EP300: variants seen among roughly 807,000 people sequenced by gnomAD.
The protein encoded by EP300 is histone acetyltransferase p300.
Under a neutral mutation model 264.0 loss-of-function variants are expected in EP300, and 31 were observed. The observed-to-expected ratio is 0.12, with a 90% CI of 0.09 to 0.16. EP300 has a LOEUF of 0.16. Among genes scored for constraint, EP300 ranks in the 10% least tolerant of loss-of-function variants. The pLI, the probability that EP300 is intolerant of heterozygous loss-of-function variation, is 1.00. For missense variants in EP300, 2,766 were observed against 3,052.9 expected, an observed-to-expected ratio of 0.91 and a Z score of 2.21; for synonymous variants, 1,340 against 1,045.4, an observed-to-expected ratio of 1.28 and a Z score of -5.44.
At chr22:41,111,597 C>T (rs900179513) in intron 1 of EP300, among the ~76,000 whole-genome samples, 2 of 151,974 alleles carry the variant, frequency 1.3e-5, no homozygotes, top group Non-Finnish European at 2.9e-5. Context: ...GGGTAGAGTG[C>T]AATGGCACTA....
At chr22:41,118,424 G>A (rs898640221) in intron 2 of EP300, among the ~76,000 whole-genome samples, 5 of 152,096 alleles carry the variant, frequency 3.3e-5, no homozygotes, top group Admixed American at 3.3e-4. Context: ...CATAAATAAG[G>A]CATAATCACA....
intron 1 of EP300, among the ~76,000 whole-genome samples, chr22:41,099,974 T>A (rs374248863): frequency 6.6e-6 from 1 of 152,178 alleles, no homozygotes; most frequent in African/African-American, 2.4e-5. Context: ...CCTGGCACTT[T>A]GGGAGATTGA....
Position 41,168,395 on chromosome 22 carries a change from A to C in EP300, c.3875-54A>C, listed in dbSNP as rs2059152206. 50 of 1,601,098 alleles carry C rather than the reference A, an allele frequency of 3.1e-5. 1 individual carries two copies. The South Asian group carries it at 5.3e-4, about 17-fold the overall frequency. ...AAATGAGATTTGAGGTTGAACCTTA[A>C]GACTAACAACAGTAAATTTGCACCT... On this transcript the variant is annotated intron_variant, in intron 23 of 30. Transcript: ENST00000263253.
At chr22:41,148,839 T>C in intron 12 of EP300, 199 bp from the exon 13 acceptor site, 1 of 640,632 alleles carries the variant, frequency 1.6e-6, no homozygotes, top group Non-Finnish European at 2.7e-6. Flanking sequence ...ACTGTGAGGC[T>C]ATTTCTCTTT....
At position 41,147,781 on chromosome 22, in the gene EP300, TTTA is replaced by T. The variant is rs759115066; in HGVS notation, c.2132-50_2132-48del. On this transcript the variant is annotated intron_variant, in intron 11 of 30. Coordinates refer to ENST00000263253, the MANE Select transcript of EP300 (RefSeq NM_001429.4). ...AGAATCAGACATAAGAATTCTATCTTTTATTATTCAATTTCACAAAGGCATTCA... is the reference window on the plus strand; with the variant it reads ...AGAATCAGACATAAGAATTCTATCTTTTATTCAATTTCACAAAGGCATTCA... The T allele has an allele frequency of 1.3e-5, 15 of 1,183,916 alleles. No individual in the cohort carries two copies. In the Admixed American group the frequency reaches 1.3e-4, roughly 11 times the overall value. 73.3% of individuals were successfully genotyped at this position (1,183,916 alleles called of 1,614,324 possible). A position where few individuals can be genotyped will look rare whatever the true frequency, so the allele number is the denominator to read the frequency against.
At chr22:41,167,584 G>GTGTGTATATATATATATATA (rs869093144) in intron 23 of EP300, among the ~76,000 whole-genome samples, 1 of 34,498 alleles carries the variant, frequency 2.9e-5, no homozygotes, top group Non-Finnish European at 4.8e-5. Flanking sequence ...GTGTGTGTGT[G>GTGTGTATATATATATATATA]TATATATATA....
intron 13 of EP300, 35 bp downstream of exon 13, chr22:41,149,210 G>C (rs770121236): frequency 6.2e-7 from 1 of 1,613,424 alleles, no homozygotes; most frequent in Admixed American, 1.7e-5. Flanking sequence ...ACTTATTTTT[G>C]ATTCTTGAAA....
chr22:41,148,007 T>G (rs2145734565), intron 12 of EP300, 61 bp downstream of exon 12: 2 of 1,140,328 alleles, frequency 1.8e-6, no homozygotes, highest in East Asian at 4.8e-5. Flanking sequence ...AAATCCTGTT[T>G]GTTCCTACTT....
At chr22:41,117,873 C>T in intron 2 of EP300, 52 bp downstream of exon 2, 1 of 1,611,258 alleles carries the variant, frequency 6.2e-7, no homozygotes, top group Non-Finnish European at 8.5e-7. Flanking sequence ...TGAGTATTGT[C>T]ATGATGGATG....
rs563088561 is a variant in EP300, at chr22:41,140,324, T to C, written c.1878+67T>C. ...CTGTTGTGGTTATTTTATTCCTCTTTAGCATGTACAAGTAGTACATATGCT... is the reference window on the plus strand; with the variant it reads ...CTGTTGTGGTTATTTTATTCCTCTTCAGCATGTACAAGTAGTACATATGCT... On this transcript the variant is annotated intron_variant, in intron 9 of 30. Coordinates refer to ENST00000263253, the MANE Select transcript of EP300 (RefSeq NM_001429.4). The C allele has an allele frequency of 4.1e-5, 44 of 1,085,658 alleles. No individual in the cohort carries two copies. In the Middle Eastern group the frequency reaches 5.9e-4, roughly 15 times the overall value. The allele number at this position is 1,085,658 out of a possible 1,614,324, so 67.3% of individuals were successfully genotyped here.
chr22:41,104,817 C>G (rs937077672), intron 1 of EP300, among the ~76,000 whole-genome samples: 2 of 150,256 alleles, frequency 1.3e-5, no homozygotes, highest in African/African-American at 4.9e-5. Context: ...GTCAGGAATT[C>G]AAGACCAGCC....
At chr22:41,126,771 T>C (rs905929414) in intron 3 of EP300, among the ~76,000 whole-genome samples, 1 of 114,898 alleles carries the variant, frequency 8.7e-6, no homozygotes, top group Non-Finnish European at 1.7e-5. Flanking sequence ...TGAGACGGAG[T>C]TTAGCTCTTG....
At chr22:41,161,434 G>GGT (rs1569112770) in intron 20 of EP300, among the ~76,000 whole-genome samples, 1 of 152,066 alleles carries the variant, frequency 6.6e-6, no homozygotes, top group Non-Finnish European at 1.5e-5. Flanking sequence ...TGGCTAACAC[G>GGT]GTGAAGCCCT....
intron 10 of EP300, among the ~76,000 whole-genome samples, chr22:41,141,525 T>A (rs1454035082): frequency 6.6e-6 from 1 of 152,192 alleles, no homozygotes; most frequent in African/African-American, 2.4e-5. Context: ...GTTCACAGAT[T>A]TCTCTGAGAC....
chr22:41,149,234 A>T (rs933034280), intron 13 of EP300, 59 bp downstream of exon 13: 1 of 1,598,598 alleles, frequency 6.3e-7, no homozygotes, highest in South Asian at 1.1e-5. Flanking sequence ...CTCTTGATGT[A>T]GGTTTTTATA....
At chr22:41,097,470 C>T (rs738628) in intron 1 of EP300, among the ~76,000 whole-genome samples, 89,967 of 151,952 alleles carry the variant, frequency 0.59, 27,593 homozygotes, top group East Asian at 0.81. Context: ...AAAATGGAAA[C>T]AGTTGAAAAT....
In EP300 at chr22:41,150,049, A is replaced by G. The variant is rs577396026; in HGVS notation, c.2668A>G (p.Thr890Ala). 7 of 1,613,792 alleles carry G rather than the reference A, an allele frequency of 4.3e-6. No individual in the cohort carries two copies. Among genetic ancestry groups the G allele is most frequent in the East Asian group, 4.5e-5 (2 of 44,878 alleles). ...PPPRQTPTPP[T>A]TQLPQQVQPS... ...TCCAAGGCAGACACCTACACCACCA[A>G]CAACACAACTTCCCCAACAAGTGCA... The change falls in exon 14 of 31, where the codon ACA becomes GCA. Residue 890 changes from threonine (T) to alanine (A), a missense_variant. Thr to Ala is a moderately conservative substitution (Grantham distance 58). Coordinates refer to ENST00000263253, the MANE Select transcript of EP300 (RefSeq NM_001429.4).
At chr22:41,146,871 A>C in intron 11 of EP300, 55 bp downstream of exon 11, 1 of 1,451,136 alleles carries the variant, frequency 6.9e-7, no homozygotes, top group Admixed American at 1.8e-5. Flanking sequence ...GTACTGCAAG[A>C]TAATACTTGC....
intron 12 of EP300, 145 bp from the exon 13 acceptor site, chr22:41,148,893 C>T: frequency 9.9e-7 from 1 of 1,006,042 alleles, no homozygotes; most frequent in African/African-American, 1.6e-5. Context: ...TCTTCCTTCT[C>T]CTCTTCAGCC....
Sources: allele counts gnomAD v4.1 joint callset (sites outside exome capture counted in the v4.1 genomes callset), GRCh38; gene constraint gnomAD v4.1.1; transcripts MANE v1.5; gene names NCBI Gene and HGNC (gene_info 2026-07-23, HGNC 2026-07-21).